METTL25: variants seen among roughly 807,000 people sequenced by gnomAD.
METTL25 encodes methyltransferase like 25, also known as probable methyltransferase-like protein 25.
Under a neutral mutation model 71.6 loss-of-function variants are expected in METTL25, and 64 were observed. The observed-to-expected ratio is 0.89, with a 90% confidence interval of 0.73 to 1.10. METTL25 has a LOEUF of 1.10. Ranked by LOEUF, METTL25 falls within the 50% of genes least tolerant of loss-of-function variation. The probability of loss-of-function intolerance (pLI) is 0.00; values close to 1 mark genes in which losing one functional copy is unlikely to be tolerated. For missense variants in METTL25, 807 were observed against 707.0 expected, an observed-to-expected ratio of 1.14 and a Z score of -1.60; for synonymous variants, 287 against 250.3, an observed-to-expected ratio of 1.15 and a Z score of -1.38.
intron 1 of METTL25, among the ~76,000 whole-genome samples, chr12:82,372,666 C>A (rs1883362575): frequency 6.6e-6 from 1 of 152,088 alleles, no homozygotes; most frequent in Admixed American, 6.5e-5. Context: ...TGAGCCACCT[C>A]TTTTTTAGGA....
chr12:82,382,156 T>C (rs1369687944), intron 1 of METTL25, among the ~76,000 whole-genome samples: 1 of 152,198 alleles, frequency 6.6e-6, no homozygotes, highest in Non-Finnish European at 1.5e-5. Context: ...GTTTTGAACC[T>C]TTTGAATTGA....
At chr12:82,419,297 GC>G in intron 5 of METTL25, among the ~76,000 whole-genome samples, 2 of 152,190 alleles carry the variant, frequency 1.3e-5, no homozygotes, top group South Asian at 4.1e-4. Flanking sequence ...ACTGTTTTGT[GC>G]AAATTCAGTC....
intron 9 of METTL25, among the ~76,000 whole-genome samples, chr12:82,464,416 G>C (rs1426328664): frequency 1.3e-5 from 2 of 151,736 alleles, no homozygotes; most frequent in East Asian, 3.9e-4. Context: ...AAAATTAGTT[G>C]ACTGCAGACA....
intron 8 of METTL25, among the ~76,000 whole-genome samples, chr12:82,449,415 C>T (rs572426938): frequency 2.1e-4 from 32 of 152,254 alleles, no homozygotes; most frequent in Non-Finnish European, 4.1e-4. Context: ...CCATGCACAC[C>T]GTCCTGGCAC....
Position 82,449,726 on chromosome 12 carries a change from T to C in METTL25, c.1479-7001T>C, listed in dbSNP as rs183804161. On this transcript the variant is annotated intron_variant, in intron 8 of 11. Coordinates refer to ENST00000248306, the MANE Select transcript of METTL25 (RefSeq NM_032230.3). ...TCTACTCCTCTGCTACCTTCTGAGC[T>C]CCTTGATGACCATTTTTTCAGTTTT... 1.3e-4 allele frequency among the ~76,000 whole-genome samples: 20 copies of C among 152,278 alleles called. 1 individual carries two copies. The highest frequency in any genetic ancestry group is 1.2e-3 in the Admixed American group (18 of 15,296).
chr12:82,424,978 G>C (rs1049121600), intron 5 of METTL25, among the ~76,000 whole-genome samples: 4 of 152,028 alleles, frequency 2.6e-5, no homozygotes, highest in Non-Finnish European at 5.9e-5. Context: ...ATTTGTGAGA[G>C]AATTAATTTC....
At chr12:82,416,840 A>T (rs1888027141) in intron 5 of METTL25, among the ~76,000 whole-genome samples, 1 of 152,110 alleles carries the variant, frequency 6.6e-6, no homozygotes, top group African/African-American at 2.4e-5. Flanking sequence ...CTGATAGTTC[A>T]ATATAGTGTT....
intron 4 of METTL25, 129 bp downstream of exon 4, chr12:82,399,523 A>G (rs1173740672): frequency 2.6e-6 from 2 of 758,390 alleles, no homozygotes; most frequent in African/African-American, 3.5e-5. Flanking sequence ...TGAAATCATA[A>G]GTAGGCTTTC....
At chr12:82,379,564 A>G (rs764133880) in intron 1 of METTL25, among the ~76,000 whole-genome samples, 7 of 152,140 alleles carry the variant, frequency 4.6e-5, no homozygotes, top group Non-Finnish European at 1.0e-4. Flanking sequence ...ATTATGGGAA[A>G]TTAAAACATT....
chr12:82,457,396 C>A (rs1029292321), intron 9 of METTL25, among the ~76,000 whole-genome samples: 1 of 151,374 alleles, frequency 6.6e-6, no homozygotes, highest in African/African-American at 2.4e-5. Context: ...ACTTGGATTA[C>A]TCTGGTATTT....
intron 9 of METTL25, among the ~76,000 whole-genome samples, chr12:82,465,546 T>A (rs1271361905): frequency 6.6e-6 from 1 of 151,986 alleles, no homozygotes; most frequent in Non-Finnish European, 1.5e-5. Context: ...TCAGAAGTAT[T>A]GGCCTGTAGT....
chr12:82,438,545 T>A (rs1244789794), intron 7 of METTL25, 173 bp from the exon 8 acceptor site: 1 of 288,954 alleles, frequency 3.5e-6, no homozygotes, highest in Non-Finnish European at 6.5e-6. Context: ...ACTTTCACAA[T>A]GAGAATTAGC....
chr12:82,380,377 C>G (rs532393724), intron 1 of METTL25, among the ~76,000 whole-genome samples: 2 of 151,838 alleles, frequency 1.3e-5, no homozygotes, highest in African/African-American at 4.8e-5. Flanking sequence ...AAAAGTTTAC[C>G]TATGTAACAA....
chr12:82,475,150 A>T (rs901608982), intron 9 of METTL25, among the ~76,000 whole-genome samples: 1 of 152,186 alleles, frequency 6.6e-6, no homozygotes, highest in Admixed American at 6.5e-5. Flanking sequence ...GCAAGATAGG[A>T]AAGATTATGA....
At chr12:82,477,647 T>C (rs1892955067) in intron 11 of METTL25, among the ~76,000 whole-genome samples, 1 of 151,786 alleles carries the variant, frequency 6.6e-6, no homozygotes, top group Non-Finnish European at 1.5e-5. Context: ...ATAGCTGAAA[T>C]TTATAAAGGC....
At chr12:82,378,483 A>T (rs955195797) in intron 1 of METTL25, among the ~76,000 whole-genome samples, 4 of 152,232 alleles carry the variant, frequency 2.6e-5, no homozygotes, top group Non-Finnish European at 5.9e-5. Context: ...AAATGATTAT[A>T]ACTAAATTCA....
At chr12:82,416,616 T>TTTTTGTTTTGTTTTG (rs200482325) in intron 5 of METTL25, among the ~76,000 whole-genome samples, 2 of 151,334 alleles carry the variant, frequency 1.3e-5, no homozygotes, top group Non-Finnish European at 2.9e-5. Flanking sequence ...AATTTTTGCT[T>TTTTTGTTTTGTTTTG]TTTTGTTTTG....
rs554786286 is a variant in METTL25 at position 82,362,401 on chromosome 12, G to T, written c.259+3577G>T. Among the ~76,000 whole-genome samples, 3 of 152,282 alleles carry T rather than the reference G, an allele frequency of 2.0e-5. No homozygotes were observed. The South Asian group carries it at 6.2e-4, about 32-fold the overall frequency. Reference sequence around the variant, plus strand: ...TTAGTTCCTCATCTGTAAAATGGGGGTAACTTTAGTACCTGCCTGATGGGA... The same window carrying T: ...TTAGTTCCTCATCTGTAAAATGGGGTTAACTTTAGTACCTGCCTGATGGGA... On this transcript the variant is annotated intron_variant, in intron 1 of 11. Transcript: ENST00000248306.
intron 5 of METTL25, among the ~76,000 whole-genome samples, chr12:82,418,548 G>A (rs1237379461): frequency 6.6e-6 from 1 of 152,066 alleles, no homozygotes; most frequent in Non-Finnish European, 1.5e-5. Flanking sequence ...GTTGCATATT[G>A]CAGTAAAAAT....
Sources: allele counts gnomAD v4.1 joint callset (sites outside exome capture counted in the v4.1 genomes callset), GRCh38; gene constraint gnomAD v4.1.1; transcripts MANE v1.5; gene names NCBI Gene and HGNC (gene_info 2026-07-23, HGNC 2026-07-21).